PDCD6IP: variants seen among roughly 807,000 people sequenced by gnomAD.
PDCD6IP encodes the protein programmed cell death 6-interacting protein.
Under a neutral mutation model 103.7 loss-of-function variants are expected in PDCD6IP, and 43 were observed. The ratio of observed to expected loss-of-function variants is 0.41; its 90% CI spans 0.32 to 0.53. The LOEUF (loss-of-function observed/expected upper bound fraction) is 0.53. Ranked by LOEUF, PDCD6IP falls within the 20% of genes least tolerant of loss-of-function variation. The pLI, the probability that PDCD6IP is intolerant of heterozygous loss-of-function variation, is 0.16. For synonymous variants in PDCD6IP, 354 were observed against 378.7 expected, an observed-to-expected ratio of 0.93 and a Z score of 0.76; for missense variants, 871 against 1,036.7, an observed-to-expected ratio of 0.84 and a Z score of 2.20.
intron 1 of PDCD6IP, among the ~76,000 whole-genome samples, chr3:33,808,016 C>T (rs553149641): frequency 6.6e-4 from 100 of 152,282 alleles, no homozygotes; most frequent in African/African-American, 2.3e-3. Context: ...ATTCACAAAC[C>T]AGAATTTTAG....
At chr3:33,801,646 C>CAAT (rs1696478790) in intron 1 of PDCD6IP, among the ~76,000 whole-genome samples, 2 of 152,026 alleles carry the variant, frequency 1.3e-5, no homozygotes, top group Non-Finnish European at 2.9e-5. Context: ...ACAACAACAA[C>CAAT]AAAAAACCCT....
chr3:33,840,583 T>A (rs1033471439), intron 9 of PDCD6IP, among the ~76,000 whole-genome samples: 3 of 152,272 alleles, frequency 2.0e-5, no homozygotes, highest in African/African-American at 7.2e-5. Flanking sequence ...TCTGAGATTT[T>A]ACAGAGCTTA....
chr3:33,829,059 T>G (rs868084308), intron 7 of PDCD6IP, 90 bp downstream of exon 7: 2 of 1,072,828 alleles, frequency 1.9e-6, no homozygotes, highest in Non-Finnish European at 1.3e-6. Flanking sequence ...CATAAAAACC[T>G]TTCCCGTTCA....
chr3:33,825,109 G>A, intron 4 of PDCD6IP, 78 bp from the exon 5 acceptor site: 2 of 1,257,596 alleles, frequency 1.6e-6, no homozygotes, highest in Non-Finnish European at 2.3e-6. Context: ...GTTAACATTT[G>A]AAATGACTTT....
intron 15 of PDCD6IP, 180 bp from the exon 16 acceptor site, chr3:33,863,826 G>C: frequency 1.8e-6 from 1 of 561,052 alleles, no homozygotes; most frequent in Non-Finnish European, 3.2e-6. Flanking sequence ...GTTTTTTGAG[G>C]GACCTCCATA....
intron 1 of PDCD6IP, 157 bp downstream of exon 1, chr3:33,799,094 A>G: frequency 1.4e-6 from 1 of 717,724 alleles, no homozygotes. Flanking sequence ...TTTGCTGGTG[A>G]GCAGGACCCG....
chr3:33,813,419 A>G, intron 2 of PDCD6IP, 140 bp from the exon 3 acceptor site: 1 of 529,088 alleles, frequency 1.9e-6, no homozygotes, highest in South Asian at 3.2e-5. Flanking sequence ...GGAGAAGGAA[A>G]GGAAGTTGGG....
At chr3:33,818,146 C>T (rs914755148) in intron 3 of PDCD6IP, among the ~76,000 whole-genome samples, 1 of 142,122 alleles carries the variant, frequency 7.0e-6, no homozygotes, top group African/African-American at 2.7e-5. Flanking sequence ...CTCTGTTGCC[C>T]AGGGTGGATG....
chr3:33,798,986 C>A, intron 1 of PDCD6IP, 49 bp downstream of exon 1: 1 of 1,430,282 alleles, frequency 7.0e-7, no homozygotes, highest in Non-Finnish European at 9.4e-7. Context: ...CCGTCGCTCG[C>A]CGCTCCTCTT....
chr3:33,832,994 C>T (rs911214126), intron 7 of PDCD6IP, among the ~76,000 whole-genome samples: 2 of 152,024 alleles, frequency 1.3e-5, no homozygotes, highest in Admixed American at 6.6e-5. Context: ...TTCTGTTACC[C>T]AACTTAAGTG....
chr3:33,859,057 T>G (rs1209025069), intron 15 of PDCD6IP, among the ~76,000 whole-genome samples: 4 of 152,154 alleles, frequency 2.6e-5, no homozygotes, highest in Non-Finnish European at 5.9e-5. Context: ...CCATATTTAA[T>G]TAAAACACAG....
In PDCD6IP at chr3:33,798,721, C is replaced by A. The variant is rs376758894; in HGVS notation, c.-8C>A. 12 of 1,546,242 alleles carry A rather than the reference C, an allele frequency of 7.8e-6. No individual in the cohort carries two copies. The African/African-American group carries it at 1.6e-4, about 21-fold the overall frequency. ...TGTTTGGCCCGAACGGCGGCGGAGGCGCTGATCATGGCGACATTCATCTCG... is the reference window on the plus strand; with the variant it reads ...TGTTTGGCCCGAACGGCGGCGGAGGAGCTGATCATGGCGACATTCATCTCG... On this transcript the variant is annotated 5_prime_UTR_variant, in exon 1 of 18. Coordinates refer to ENST00000307296, the MANE Select transcript of PDCD6IP (RefSeq NM_013374.6).
chr3:33,820,394 C>T (rs72859991), intron 3 of PDCD6IP, among the ~76,000 whole-genome samples: 3,118 of 152,116 alleles, frequency 0.02, 96 homozygotes, highest in African/African-American at 0.071. Context: ...CAAGTAGAGT[C>T]GTAGACTGCA....
At chr3:33,813,188 A>G (rs1457876917) in intron 2 of PDCD6IP, 1 of 158,154 alleles carries the variant, frequency 6.3e-6, no homozygotes, top group Non-Finnish European at 1.4e-5. Flanking sequence ...TCATCATGGA[A>G]TAGTTTTTAA....
intron 3 of PDCD6IP, among the ~76,000 whole-genome samples, chr3:33,815,023 A>T (rs1424431786): frequency 1.3e-5 from 2 of 148,330 alleles, no homozygotes; most frequent in Non-Finnish European, 3.0e-5. Flanking sequence ...AAGATATGCT[A>T]TAATATATAC....
chr3:33,852,719 C>A lies in PDCD6IP; in HGVS notation c.1873C>A (p.Leu625Ile), dbSNP rs758685492. Residue 625 changes from leucine to isoleucine, a missense_variant, in exon 13 of 18, where the codon CTT (leucine) becomes ATT (isoleucine). Around this residue, in one of 5 missense-constraint regions of PDCD6IP, gnomAD observed 266 missense variants for 390.5 expected, o/e 0.68. Coordinates refer to ENST00000307296, the MANE Select transcript of PDCD6IP (RefSeq NM_013374.6). ...VQESLKKQEGLLKNIQVSHQE... is the reference protein window; with the variant it reads ...VQESLKKQEGILKNIQVSHQE... ...AGAATCTCTAAAGAAACAGGAGGGACTTCTTAAAAATATTCAGGTGAAATT... is the reference window on the plus strand; with the variant it reads ...AGAATCTCTAAAGAAACAGGAGGGAATTCTTAAAAATATTCAGGTGAAATT... 1 of 1,580,154 alleles carries A rather than the reference C, an allele frequency of 6.3e-7. No homozygotes were observed. Among genetic ancestry groups the A allele is most frequent in the South Asian group, 1.2e-5 (1 of 84,434 alleles).
intron 4 of PDCD6IP, 113 bp downstream of exon 4, chr3:33,822,195 C>A: frequency 9.5e-7 from 1 of 1,047,794 alleles, no homozygotes; most frequent in Non-Finnish European, 1.4e-6. Context: ...TTTTCTAAAA[C>A]GAATGCACTT....
rs867810146 is a variant in PDCD6IP, at chr3:33,826,515, A to T, written c.652A>T (p.Asn218Tyr). 6.2e-7 allele frequency: 1 copy of T among 1,611,742 alleles called. No homozygotes were observed. Among genetic ancestry groups the T allele is most frequent in the African/African-American group, 1.3e-5 (1 of 74,886 alleles). ...MKDAIIAKLA[N>Y]QAADYFGDAF... is the part of the protein sequence containing the mutation. ...AGATGCCATCATAGCTAAATTGGCTAATCAGGCTGCAGATTATTTTGGTGA... is the reference window on the plus strand; with the variant it reads ...AGATGCCATCATAGCTAAATTGGCTTATCAGGCTGCAGATTATTTTGGTGA... The change falls in exon 6 of 18, where the codon AAT becomes TAT. Residue 218 changes from asparagine to tyrosine, a missense_variant. Asn to Tyr is a moderately radical substitution (Grantham distance 143). Transcript: ENST00000307296.
intron 6 of PDCD6IP, chr3:33,826,834 G>A: frequency 8.0e-7 from 1 of 1,244,374 alleles, no homozygotes; most frequent in South Asian, 1.9e-5. Context: ...TCTGGAAAAT[G>A]TTGACCATCT....
Sources: gnomAD v4.1 joint callset for allele counts (sites outside exome capture counted in the v4.1 genomes callset) on GRCh38, gnomAD v4.1.1 for gene constraint, gnomAD v4.1.1 regional missense constraint, MANE v1.5 for transcripts, NCBI Gene and HGNC (gene_info 2026-07-23, HGNC 2026-07-21) for gene names.